The following TRHDE variants were observed in gnomAD, a reference collection of about 807,000 sequenced individuals.
The protein encoded by TRHDE is thyrotropin-releasing hormone-degrading ectoenzyme.
Under a neutral mutation model 125.7 loss-of-function variants are expected in TRHDE, and 72 were observed. That is an observed-to-expected ratio of 0.57 (90% CI 0.47 to 0.70). The LOEUF is 0.70. Ranked by LOEUF, TRHDE falls within the 30% of genes least tolerant of loss-of-function variation. The pLI is 0.00. For synonymous variants in TRHDE, 509 were observed against 509.1 expected, an observed-to-expected ratio of 1.00 and a Z score of 0.00; for missense variants, 1,110 against 1,327.1, an observed-to-expected ratio of 0.84 and a Z score of 2.54.
intron 12 of TRHDE, among the ~76,000 whole-genome samples, chr12:72,604,246 A>C (rs1872335323): frequency 6.6e-6 from 1 of 152,184 alleles, no homozygotes; most frequent in Non-Finnish European, 1.5e-5. Flanking sequence ...GTAGGAAAAA[A>C]TATTATTTTA....
rs1874980339 is a variant in TRHDE at position 72,663,086 on chromosome 12, C to CT, written c.3102dup (p.Ala1035CysfsTer51). ...TTCATGAAAAACTATGATGGGGTAG[C>CT]TGCTGCTTCTTTCTCACGAGCTGTG... On this transcript the variant is annotated frameshift_variant, in exon 19 of 19. Transcript: ENST00000261180. LOFTEE classifies it high-confidence loss of function. 1 of 1,612,692 alleles carries CT rather than the reference C, an allele frequency of 6.2e-7. No homozygotes were observed. Among genetic ancestry groups the CT allele is most frequent in the Non-Finnish European group, 8.5e-7 (1 of 1,179,334 alleles).
intron 6 of TRHDE, among the ~76,000 whole-genome samples, chr12:72,533,928 T>C (rs1868712314): frequency 6.6e-6 from 1 of 152,166 alleles, no homozygotes; most frequent in South Asian, 2.1e-4. Flanking sequence ...GAATATAGAC[T>C]ACCCTGTTTG....
rs1015181789 is a variant in TRHDE, at chr12:72,185,230, C to T, written n.279+79478C>T. On this transcript the variant is annotated intron_variant and non_coding_transcript_variant, in intron 2 of 4. Transcript: ENST00000548156. ...GGTGTACTGGGTCCCCCAGCAGTGCCGGCCCACCGGGGCTGTGCTCGATTT... is the reference window on the plus strand; with the variant it reads ...GGTGTACTGGGTCCCCCAGCAGTGCTGGCCCACCGGGGCTGTGCTCGATTT... Among the ~76,000 whole-genome samples, 183 of 152,308 alleles carry T rather than the reference C, an allele frequency of 1.2e-3. 1 individual carries two copies. Among genetic ancestry groups the T allele is most frequent in the Middle Eastern group, 3.4e-3 (1 of 294 alleles).
intron 2 of TRHDE, chr12:72,256,113 C>T (rs1878808547): frequency 6.6e-6 from 1 of 152,068 alleles, no homozygotes; most frequent in Admixed American, 6.5e-5. Context: ...AAAAGTTGAC[C>T]ATCCATCAAC....
chr12:72,119,871 T>C (rs1271231973), intron 2 of TRHDE, among the ~76,000 whole-genome samples: 2 of 152,220 alleles, frequency 1.3e-5, no homozygotes, highest in Non-Finnish European at 1.5e-5. Context: ...TCCATTGTCA[T>C]GGAATATGTT....
intron 1 of TRHDE, among the ~76,000 whole-genome samples, chr12:72,283,724 T>C (rs1399553217): frequency 6.6e-6 from 1 of 152,110 alleles, no homozygotes; most frequent in Non-Finnish European, 1.5e-5. Context: ...CAGAGGTATT[T>C]ACATCTTTTA....
At chr12:72,189,756 T>A (rs116010087) in intron 2 of TRHDE, among the ~76,000 whole-genome samples, 4,229 of 152,284 alleles carry the variant, frequency 0.028, 102 homozygotes, top group African/African-American at 0.059. Context: ...CTCTGACCTA[T>A]TTATGGAGGG....
chr12:72,365,802 A>G (rs939170797), intron 2 of TRHDE, among the ~76,000 whole-genome samples: 5 of 152,178 alleles, frequency 3.3e-5, no homozygotes, highest in East Asian at 1.9e-4. Flanking sequence ...GTGGCTTCAC[A>G]CAACACAAAC....
chr12:72,369,968 G>C (rs1220934414), intron 2 of TRHDE, among the ~76,000 whole-genome samples: 3 of 152,098 alleles, frequency 2.0e-5, no homozygotes, highest in Non-Finnish European at 4.4e-5. Context: ...GTAGGACCTA[G>C]TTACTCTAAA....
intron 1 of TRHDE, among the ~76,000 whole-genome samples, chr12:72,101,139 C>A (rs1166900282): frequency 6.6e-6 from 1 of 152,122 alleles, no homozygotes; most frequent in Non-Finnish European, 1.5e-5. Flanking sequence ...ATCTAGAAGC[C>A]TAATAAATTA....
At chr12:72,593,984 A>G (rs1871811788) in intron 12 of TRHDE, among the ~76,000 whole-genome samples, 1 of 152,158 alleles carries the variant, frequency 6.6e-6, no homozygotes, top group Non-Finnish European at 1.5e-5. Flanking sequence ...ATACCTGTGC[A>G]TGTGTCTTTA....
intron 2 of TRHDE, among the ~76,000 whole-genome samples, chr12:72,174,466 C>G (rs1566266276): frequency 1.3e-5 from 2 of 152,078 alleles, no homozygotes. Flanking sequence ...TCCAATTGTC[C>G]TAAATATGTT....
intron 3 of TRHDE, among the ~76,000 whole-genome samples, chr12:72,463,704 T>G (rs1876233572): frequency 6.6e-6 from 1 of 152,194 alleles, no homozygotes. Flanking sequence ...CTGGACTGAT[T>G]ATCATGACCT....
At chr12:72,243,753 C>T (rs1019799858) in intron 2 of TRHDE, among the ~76,000 whole-genome samples, 2 of 152,124 alleles carry the variant, frequency 1.3e-5, no homozygotes, top group African/African-American at 4.8e-5. Flanking sequence ...CCTTTTCAAC[C>T]ATCTTGATTT....
chr12:72,447,758 A>C (rs982517213), intron 3 of TRHDE, among the ~76,000 whole-genome samples: 3 of 152,040 alleles, frequency 2.0e-5, no homozygotes, highest in East Asian at 1.9e-4. Context: ...CTTGAGCTGC[A>C]CTCCTAGAGC....
chr12:72,330,984 G>T (rs1456240796), intron 2 of TRHDE, among the ~76,000 whole-genome samples: 1 of 152,168 alleles, frequency 6.6e-6, no homozygotes, highest in Non-Finnish European at 1.5e-5. Flanking sequence ...AGGTGATGTT[G>T]CTAGCTGTTG....
chr12:72,212,866 C>T (rs1877811683), intron 2 of TRHDE, among the ~76,000 whole-genome samples: 1 of 152,076 alleles, frequency 6.6e-6, no homozygotes, highest in Admixed American at 6.6e-5. Flanking sequence ...TGTATCCACA[C>T]AAGAACTTGT....
intron 2 of TRHDE, among the ~76,000 whole-genome samples, chr12:72,122,267 C>T (rs1875603722): frequency 6.6e-6 from 1 of 152,192 alleles, no homozygotes; most frequent in Admixed American, 6.5e-5. Flanking sequence ...TCTTTACAAT[C>T]AATTCTTTAT....
At chr12:72,147,766 T>C (rs1257838710) in intron 2 of TRHDE, 4 of 152,256 alleles carry the variant, frequency 2.6e-5, no homozygotes, top group Non-Finnish European at 4.4e-5. Context: ...TGGCACTTAC[T>C]TATTGCCATG....
Sources: gnomAD v4.1 joint callset for allele counts (sites outside exome capture counted in the v4.1 genomes callset) on GRCh38, gnomAD v4.1.1 for gene constraint, MANE v1.5 for transcripts, NCBI Gene and HGNC (gene_info 2026-07-23, HGNC 2026-07-21) for gene names.